PCDHGA4: variants seen among roughly 807,000 people sequenced by gnomAD.
PCDHGA4 encodes protocadherin gamma subfamily A, 4, also known as protocadherin gamma-A4.
PCDHGA4 carries 38 observed loss-of-function variants against 54.6 expected under a neutral mutation model. The ratio of observed to expected loss-of-function variants is 0.70; its 90% CI spans 0.54 to 0.91. The LOEUF is 0.91. Ranked by LOEUF, PCDHGA4 falls within the 40% of genes least tolerant of loss-of-function variation. The probability of loss-of-function intolerance (pLI) is 0.00; values close to 1 mark genes in which losing one functional copy is unlikely to be tolerated. For synonymous variants in PCDHGA4, 511 were observed against 512.9 expected (o/e 1.00, Z 0.05); for missense variants, 1,298 against 1,220.9 (o/e 1.06, Z -0.94).
intron 1 of PCDHGA4, chr5:141,389,882 G>A: frequency 6.2e-7 from 1 of 1,614,082 alleles, no homozygotes; most frequent in Non-Finnish European, 8.5e-7. Flanking sequence ...CCGACAGCTT[G>A]CAGGAGGTGC....
intron 2 of PCDHGA4, among the ~76,000 whole-genome samples, chr5:141,504,909 G>C (rs948719729): frequency 6.6e-6 from 1 of 152,002 alleles, no homozygotes; most frequent in Non-Finnish European, 1.5e-5. Context: ...ACTATGACAG[G>C]AAGCCAGGCT....
Position 141,432,880 on chromosome 5 carries a change from C to T in PCDHGA4, c.2515-61927C>T, listed in dbSNP as rs865848752. ...CGGTCTCCTGCGTCTTCCTGGCCTT[C>T]GTCATCTTGCTGCTGGCGCTCAGGC... On this transcript the variant is annotated intron_variant, in intron 1 of 3. Transcript: ENST00000571252. The surrounding 1 kb of genome is among the most constrained non-coding windows in gnomAD (Gnocchi z 6.0). 1 of 1,614,194 alleles carries T rather than the reference C, an allele frequency of 6.2e-7. No individual in the cohort carries two copies. Among genetic ancestry groups the T allele is most frequent in the Non-Finnish European group, 8.5e-7 (1 of 1,180,008 alleles).
chr5:141,366,599 G>C lies in PCDHGA4; in HGVS notation c.2514+8978G>C, dbSNP rs778631625. The C allele has an allele frequency of 6.2e-7, 1 of 1,614,214 alleles. No individual in the cohort carries two copies. The highest frequency in any genetic ancestry group is 8.5e-7 in the Non-Finnish European group (1 of 1,180,046). ...TTTCCTGCAGACCTATTCCCACGAG[G>C]TCTCCCTCACCGCGGACTCGAGGAA... On this transcript the variant is annotated intron_variant, in intron 1 of 3. Coordinates refer to ENST00000571252, the MANE Select transcript of PCDHGA4 (RefSeq NM_018917.4).
chr5:141,389,410 GCGGGGTGGTGTTCGCGCAGCGCGC>G, intron 1 of PCDHGA4: 1 of 1,613,600 alleles, frequency 6.2e-7, no homozygotes, highest in Non-Finnish European at 8.5e-7. Context: ...AGCGCGGAGA[GCGGGGTGGTGTTCGCGCAGCGCGC>G]CTTCGACCAC....
Position 141,355,451 on chromosome 5 carries a change from T to G in PCDHGA4, c.344T>G (p.Leu115Trp). 1 of 1,614,076 alleles carries G rather than the reference T, an allele frequency of 6.2e-7. No homozygotes were observed. Residue 115 changes from leucine to tryptophan, a missense_variant, in exon 1 of 4, where the codon TTG (leucine) becomes TGG (tryptophan). Leu to Trp is a moderately conservative substitution (Grantham distance 61). Transcript: ENST00000571252. Reference sequence around the variant, plus strand: ...GCCCTGAACCCGCGCAGCGGCACCTTGGTCACCGCGGGTAGGATAGACAGG... The same window carrying G: ...GCCCTGAACCCGCGCAGCGGCACCTGGGTCACCGCGGGTAGGATAGACAGG... ...LFALNPRSGT[L>W]VTAGRIDREE...
Position 141,486,046 on chromosome 5 carries a change from C to G in PCDHGA4, c.2515-8761C>G. 1.2e-6 allele frequency: 2 copies of G among 1,614,170 alleles called. No individual in the cohort carries two copies. Among genetic ancestry groups the G allele is most frequent in the Non-Finnish European group, 1.7e-6 (2 of 1,180,036 alleles). The stretch of plus-strand genomic sequence containing the variant: ...GTCATACCCCTGATCGTGTAAGAAA[C>G]CTCTTTAGCCTGCACCCCACTACTG... On this transcript the variant is annotated intron_variant, in intron 1 of 3. Coordinates refer to ENST00000571252, the MANE Select transcript of PCDHGA4 (RefSeq NM_018917.4). This position sits in a 1 kb window ranked among gnomAD's most constrained non-coding sequence, Gnocchi z 5.0.
intron 1 of PCDHGA4, among the ~76,000 whole-genome samples, chr5:141,462,117 C>G (rs965365318): frequency 6.6e-6 from 1 of 152,170 alleles, no homozygotes; most frequent in African/African-American, 2.4e-5. Flanking sequence ...GCCACTGCAC[C>G]CAGTCCAATT....
Position 141,431,674 on chromosome 5 carries a change from G to T in PCDHGA4, c.2515-63133G>T. 6.2e-7 allele frequency: 1 copy of T among 1,614,234 alleles called. No homozygotes were observed. ...ATTCAGGGACAATATCAACAATAGG[G>T]GAGTTGGACCACGAGGAGTCAGGAT... is the stretch of plus-strand genomic sequence containing the variant. On this transcript the variant is annotated intron_variant, in intron 1 of 3. Transcript: ENST00000571252. This position sits in a 1 kb window ranked among gnomAD's most constrained non-coding sequence, Gnocchi z 4.8.
chr5:141,501,327 AC>A (rs1208116606), intron 2 of PCDHGA4, among the ~76,000 whole-genome samples: 2 of 151,364 alleles, frequency 1.3e-5, no homozygotes, highest in Non-Finnish European at 2.9e-5. Context: ...ACACACACAC[AC>A]ACACACCCCA....
intron 1 of PCDHGA4, 133 bp downstream of exon 1, chr5:141,357,754 G>T (rs1339262267): frequency 9.2e-6 from 10 of 1,082,578 alleles, no homozygotes; most frequent in Non-Finnish European, 1.3e-5. Context: ...AAGAAAACTG[G>T]TGGATGACCT....
In PCDHGA4 at chr5:141,432,167, T is replaced by G. The variant is rs559707772; in HGVS notation, c.2515-62640T>G. The G allele has an allele frequency of 1.4e-5, 22 of 1,613,962 alleles. No homozygotes were observed. The highest frequency in any genetic ancestry group is 9.3e-5 in the African/African-American group (7 of 74,972). On this transcript the variant is annotated intron_variant, in intron 1 of 3. Coordinates refer to ENST00000571252, the MANE Select transcript of PCDHGA4 (RefSeq NM_018917.4). The surrounding 1 kb of genome is among the most constrained non-coding windows in gnomAD (Gnocchi z 6.0). Reference sequence around the variant, plus strand: ...CCCAGAGAACAATCCCAGAGGAGTTTCCCTCGTCTCTGTGACCGCCCACGA... The same window carrying G: ...CCCAGAGAACAATCCCAGAGGAGTTGCCCTCGTCTCTGTGACCGCCCACGA...
chr5:141,366,374 A>T, intron 1 of PCDHGA4: 3 of 1,614,052 alleles, frequency 1.9e-6, no homozygotes, highest in South Asian at 2.2e-5. Context: ...CAAGACCCCC[A>T]TTGACCCTGA....
At chr5:141,394,833 G>A (rs867584109) in intron 1 of PCDHGA4, 1 of 1,613,848 alleles carries the variant, frequency 6.2e-7, no homozygotes, top group South Asian at 1.1e-5. Flanking sequence ...AGTCCTGACC[G>A]AGTTGGGCAG....
intron 1 of PCDHGA4, chr5:141,419,008 G>T: frequency 6.2e-7 from 1 of 1,613,978 alleles, no homozygotes; most frequent in Non-Finnish European, 8.5e-7. Flanking sequence ...GGGAAGTCAG[G>T]TGTAGCTTAA....
Position 141,491,883 on chromosome 5 carries a change from G to T in PCDHGA4, c.2515-2924G>T. On this transcript the variant is annotated intron_variant, in intron 1 of 3. Transcript: ENST00000571252. The surrounding 1 kb of genome is among the most constrained non-coding windows in gnomAD (Gnocchi z 6.9). The stretch of plus-strand genomic sequence containing the variant: ...AAACCAGAGTGGCCGATTAAGGGAT[G>T]GGGCTCCGAGCACCGGGGGTGGTGG... 1 of 1,446,756 alleles carries T rather than the reference G, an allele frequency of 6.9e-7. No individual in the cohort carries two copies. Among genetic ancestry groups the T allele is most frequent in the South Asian group, 1.5e-5 (1 of 67,644 alleles). 89.6% of individuals were successfully genotyped at this position (1,446,756 alleles called of 1,614,324 possible). A position where few individuals can be genotyped will look rare whatever the true frequency, so the allele number is the denominator to read the frequency against.
chr5:141,365,592 C>G, intron 1 of PCDHGA4: 5 of 1,613,682 alleles, frequency 3.1e-6, no homozygotes, highest in Non-Finnish European at 4.2e-6. Flanking sequence ...TATAATATCA[C>G]TTTAACCGTC....
Position 141,477,535 on chromosome 5 carries a change from G to A in PCDHGA4, c.2515-17272G>A, listed in dbSNP as rs2099412713. ...ACATTGAAGAAAACAACCTCCCCGG[G>A]GCTCCAATACTAAACCTAAGTGTCT... On this transcript the variant is annotated intron_variant, in intron 1 of 3. Transcript: ENST00000571252. The surrounding 1 kb of genome is among the most constrained non-coding windows in gnomAD (Gnocchi z 4.9). 1.2e-6 allele frequency: 2 copies of A among 1,613,936 alleles called. No homozygotes were observed. The highest frequency in any genetic ancestry group is 2.7e-5 in the African/African-American group (2 of 74,866).
At chr5:141,469,408 C>A (rs765861544) in intron 1 of PCDHGA4, among the ~76,000 whole-genome samples, 20 of 152,008 alleles carry the variant, frequency 1.3e-4, no homozygotes, top group Non-Finnish European at 2.6e-4. Flanking sequence ...AACCCCGTTT[C>A]TACTAAAAAT....
chr5:141,359,246 A>C (rs1007985499), intron 1 of PCDHGA4, among the ~76,000 whole-genome samples: 10 of 152,156 alleles, frequency 6.6e-5, no homozygotes, highest in Non-Finnish European at 1.2e-4. Flanking sequence ...TAAAGTAATT[A>C]AGCCATAAAA....
Sources: gnomAD v4.1 joint callset for allele counts (sites outside exome capture counted in the v4.1 genomes callset) on GRCh38, gnomAD v4.1.1 for gene constraint, Gnocchi (gnomAD v3.1) non-coding constraint, MANE v1.5 for transcripts, NCBI Gene and HGNC (gene_info 2026-07-23, HGNC 2026-07-21) for gene names.